Variants in LMBRD1 observed in about 807,000 individuals in gnomAD.
LMBRD1 encodes the protein lysosomal cobalamin transport escort protein LMBD1.
Under a neutral mutation model 74.8 loss-of-function variants are expected in LMBRD1, and 64 were observed. The observed-to-expected ratio is 0.86, with a 90% CI of 0.70 to 1.05. LMBRD1 has a LOEUF of 1.05. Ranked by LOEUF, LMBRD1 falls within the 50% of genes least tolerant of loss-of-function variation. The pLI is 0.00. For synonymous variants in LMBRD1, 204 were observed against 216.3 expected (o/e 0.94, Z 0.50); for missense variants, 652 against 645.9 (o/e 1.01, Z -0.10).
chr6:69,703,587 C>T (rs968639563), intron 9 of LMBRD1, among the ~76,000 whole-genome samples: 4 of 151,174 alleles, frequency 2.6e-5, no homozygotes, highest in Admixed American at 6.6e-5. Context: ...GTAAAAAATA[C>T]AAATATTTTA....
chr6:69,796,695 G>A (rs1258843165), intron 1 of LMBRD1, 118 bp downstream of exon 1: 6 of 900,106 alleles, frequency 6.7e-6, no homozygotes, highest in Non-Finnish European at 1.1e-5. Flanking sequence ...CACAGTCCAA[G>A]CTAAAAGCGG....
At chr6:69,728,096 A>T (rs1766774266) in intron 7 of LMBRD1, among the ~76,000 whole-genome samples, 1 of 152,314 alleles carries the variant, frequency 6.6e-6, no homozygotes, top group Admixed American at 6.5e-5. Context: ...ATGGTTAGGG[A>T]CACCTCAGGA....
intron 9 of LMBRD1, among the ~76,000 whole-genome samples, chr6:69,707,358 A>G (rs1378057846): frequency 1.3e-5 from 2 of 152,188 alleles, no homozygotes; most frequent in Non-Finnish European, 2.9e-5. Flanking sequence ...AACCTTAATT[A>G]CATCTGTAAG....
chr6:69,761,094 T>C (rs1336007331), intron 3 of LMBRD1, among the ~76,000 whole-genome samples: 1 of 152,240 alleles, frequency 6.6e-6, no homozygotes, highest in African/African-American at 2.4e-5. Flanking sequence ...AGGTAATTTG[T>C]TACATGACAG....
At chr6:69,695,550 T>C (rs1336413459) in intron 14 of LMBRD1, among the ~76,000 whole-genome samples, 2 of 152,196 alleles carry the variant, frequency 1.3e-5, no homozygotes, top group Non-Finnish European at 2.9e-5. Flanking sequence ...ATACACATCA[T>C]CCCACATCTT....
chr6:69,707,695 T>A (rs1481266537), intron 9 of LMBRD1, among the ~76,000 whole-genome samples: 3 of 152,214 alleles, frequency 2.0e-5, no homozygotes, highest in African/African-American at 7.2e-5. Context: ...TTGTTGATAT[T>A]ATGGACATAT....
intron 14 of LMBRD1, among the ~76,000 whole-genome samples, chr6:69,693,538 G>A (rs538955040): frequency 6.6e-6 from 1 of 151,974 alleles, no homozygotes; most frequent in African/African-American, 2.4e-5. Flanking sequence ...TTTTAACACT[G>A]AAAATTAAAA....
chr6:69,784,531 A>G (rs533670241), intron 2 of LMBRD1, among the ~76,000 whole-genome samples: 1 of 152,296 alleles, frequency 6.6e-6, no homozygotes, highest in African/African-American at 2.4e-5. Context: ...GGAATCTAGG[A>G]GGTAAGAGGT....
At chr6:69,748,766 C>A (rs545111815) in intron 5 of LMBRD1, among the ~76,000 whole-genome samples, 1 of 151,822 alleles carries the variant, frequency 6.6e-6, no homozygotes, top group Non-Finnish European at 1.5e-5. Context: ...AACAAATAAG[C>A]AAAATCTTAC....
At position 69,735,311 on chromosome 6, in the gene LMBRD1, C is replaced by A. The variant is rs555766567; in HGVS notation, c.636+2631G>T. On this transcript the variant is annotated intron_variant, in intron 7 of 15. Transcript: ENST00000649934. Reference sequence around the variant, plus strand: ...ATACCAATTCACCTAATACGCACATCTTGGGAATGTGGGAGGAAACCAGAG... The same window carrying A: ...ATACCAATTCACCTAATACGCACATATTGGGAATGTGGGAGGAAACCAGAG... 6.6e-5 allele frequency among the ~76,000 whole-genome samples: 10 copies of A among 152,218 alleles called. No individual in the cohort carries two copies. In the East Asian group the frequency reaches 1.9e-3, roughly 29 times the overall value.
chr6:69,741,631 C>T (rs1767103424), intron 6 of LMBRD1, among the ~76,000 whole-genome samples, 158 bp downstream of exon 6: 1 of 151,980 alleles, frequency 6.6e-6, no homozygotes, highest in Non-Finnish European at 1.5e-5. Context: ...TGATCCACCC[C>T]CCACCCCTCG....
At chr6:69,768,004 C>A (rs180760243) in intron 3 of LMBRD1, among the ~76,000 whole-genome samples, 14 of 151,970 alleles carry the variant, frequency 9.2e-5, no homozygotes, top group Admixed American at 3.9e-4. Context: ...GTCATTTCAG[C>A]TGTCAGAATT....
chr6:69,683,842 C>T (rs567475939), intron 14 of LMBRD1, among the ~76,000 whole-genome samples: 1 of 152,016 alleles, frequency 6.6e-6, no homozygotes, highest in Admixed American at 6.5e-5. Context: ...AACAATAATC[C>T]AGAAGATGGA....
chr6:69,752,469 C>T, intron 3 of LMBRD1, 113 bp from the exon 4 acceptor site: 2 of 849,514 alleles, frequency 2.4e-6, no homozygotes, highest in East Asian at 2.8e-5. Flanking sequence ...TATCTGATTC[C>T]CTCTTCTCAT....
chr6:69,691,659 G>A (rs1319293601), intron 14 of LMBRD1, among the ~76,000 whole-genome samples: 1 of 151,966 alleles, frequency 6.6e-6, no homozygotes, highest in South Asian at 2.1e-4. Context: ...GGCAGATCAC[G>A]AGGTCAGGAG....
At chr6:69,755,551 A>T (rs1318796473) in intron 3 of LMBRD1, among the ~76,000 whole-genome samples, 1 of 151,640 alleles carries the variant, frequency 6.6e-6, no homozygotes, top group Non-Finnish European at 1.5e-5. Context: ...ATACCTATGT[A>T]ACAAACCTGT....
At chr6:69,780,931 A>G (rs1765820380) in intron 2 of LMBRD1, among the ~76,000 whole-genome samples, 1 of 152,208 alleles carries the variant, frequency 6.6e-6, no homozygotes, top group Admixed American at 6.5e-5. Context: ...AAGAAGCTAA[A>G]TATAGATTAA....
chr6:69,682,175 T>C (rs1031543100), intron 14 of LMBRD1, among the ~76,000 whole-genome samples: 13 of 152,054 alleles, frequency 8.5e-5, no homozygotes, highest in African/African-American at 3.1e-4. Flanking sequence ...CAAAGTTGTA[T>C]ATTTATATTA....
At chr6:69,699,987 A>G (rs1766091475) in intron 12 of LMBRD1, among the ~76,000 whole-genome samples, 1 of 151,876 alleles carries the variant, frequency 6.6e-6, no homozygotes, top group African/African-American at 2.4e-5. Flanking sequence ...TTTTATTGAT[A>G]TAATTGTTTA....
Sources: gnomAD v4.1 joint callset for allele counts (sites outside exome capture counted in the v4.1 genomes callset) on GRCh38, gnomAD v4.1.1 for gene constraint, MANE v1.5 for transcripts, NCBI Gene and HGNC (gene_info 2026-07-23, HGNC 2026-07-21) for gene names.